Variants in PPP2R2B observed in about 807,000 individuals in gnomAD.
PPP2R2B encodes protein phosphatase 2 regulatory subunit Bbeta.
In PPP2R2B, 5 loss-of-function variants were observed where a neutral mutation model predicts 46.0. That is an observed-to-expected ratio of 0.11 (90% CI 0.06 to 0.23). The LOEUF is 0.23. Ranked by LOEUF, PPP2R2B falls within the 10% of genes least tolerant of loss-of-function variation. The pLI, the probability that PPP2R2B is intolerant of heterozygous loss-of-function variation, is 1.00. For synonymous variants in PPP2R2B, 215 were observed against 206.7 expected (o/e 1.04, Z -0.34); for missense variants, 367 against 575.0 (o/e 0.64, Z 3.70).
intron 2 of PPP2R2B, among the ~76,000 whole-genome samples, chr5:146,841,711 C>T (rs1759656842): frequency 6.6e-6 from 1 of 152,112 alleles, no homozygotes; most frequent in South Asian, 2.1e-4. Context: ...CATGTTCTCA[C>T]TTATAAGTGG....
chr5:146,638,360 T>C lies in PPP2R2B; in HGVS notation c.681A>G (p.Ala227=), dbSNP rs1774962614. 1 of 1,613,292 alleles carries C rather than the reference T, an allele frequency of 6.2e-7. No individual in the cohort carries two copies. Among genetic ancestry groups the C allele is most frequent in the South Asian group, 1.1e-5 (1 of 90,982 alleles). The change falls in exon 7 of 10, where the codon GCA becomes GCG. Residue 227 remains alanine (A), a synonymous_variant. Coordinates refer to ENST00000394411, the MANE Select transcript of PPP2R2B (RefSeq NM_181675.4). ...NMEELTEVIT[A]AEFHPHHCNT... ...TGCAATGATGGGGGTGGAACTCGGC[T>C]GCTGTGATCACCTCCGTGAGCTCCT...
At chr5:146,976,320 T>A in intron 1 of PPP2R2B, among the ~76,000 whole-genome samples, 1 of 151,778 alleles carries the variant, frequency 6.6e-6, no homozygotes. Flanking sequence ...GTATTTTTAG[T>A]AGAGATGGGT....
chr5:147,012,785 G>A (rs1754805851), intron 1 of PPP2R2B, among the ~76,000 whole-genome samples: 1 of 151,688 alleles, frequency 6.6e-6, no homozygotes, highest in South Asian at 2.1e-4. Flanking sequence ...TTGTGTCTTT[G>A]TTCTCATTGG....
At position 146,722,255 on chromosome 5, in the gene PPP2R2B, C is replaced by T. The variant is rs555195035; in HGVS notation, c.71-21113G>A. On this transcript the variant is annotated intron_variant, in intron 2 of 9. Coordinates refer to ENST00000394411, the MANE Select transcript of PPP2R2B (RefSeq NM_181675.4). Reference sequence around the variant, plus strand: ...CAACATTAGATTTTAATGACATTTACGCCATATGCAGTGGATGCTATTATT... The same window carrying T: ...CAACATTAGATTTTAATGACATTTATGCCATATGCAGTGGATGCTATTATT... Among the ~76,000 whole-genome samples the T allele has an allele frequency of 6.6e-5, 10 of 152,254 alleles. No individual in the cohort carries two copies. The South Asian group carries it at 1.7e-3, about 25-fold the overall frequency.
At chr5:146,962,763 C>T (rs1392826469) in intron 1 of PPP2R2B, among the ~76,000 whole-genome samples, 2 of 152,160 alleles carry the variant, frequency 1.3e-5, no homozygotes, top group East Asian at 3.9e-4. Flanking sequence ...TCTCATCACC[C>T]TCAAGTTCGC....
chr5:146,626,471 G>T (rs181788134), intron 7 of PPP2R2B, among the ~76,000 whole-genome samples: 15 of 152,274 alleles, frequency 9.9e-5, no homozygotes, highest in African/African-American at 2.6e-4. Flanking sequence ...ATAATTTTTG[G>T]TTTTTGCAGG....
At chr5:146,661,933 A>C (rs974586504) in intron 5 of PPP2R2B, among the ~76,000 whole-genome samples, 16 of 152,324 alleles carry the variant, frequency 1.1e-4, no homozygotes, top group African/African-American at 3.6e-4. Context: ...ATTTCAATTA[A>C]CATTTATAGC....
At chr5:146,892,194 A>T (rs1001950598) in intron 1 of PPP2R2B, among the ~76,000 whole-genome samples, 4 of 152,254 alleles carry the variant, frequency 2.6e-5, no homozygotes, top group African/African-American at 9.6e-5. Context: ...GAATAAAAAG[A>T]GTCCCAGACT....
At chr5:146,724,801 A>G (rs1751748416) in intron 2 of PPP2R2B, among the ~76,000 whole-genome samples, 1 of 152,166 alleles carries the variant, frequency 6.6e-6, no homozygotes, top group Non-Finnish European at 1.5e-5. Context: ...TGGGAGTTAC[A>G]TGCAAACACA....
chr5:146,781,131 GAT>G (rs56697862), intron 2 of PPP2R2B, among the ~76,000 whole-genome samples: 1,381 of 49,092 alleles, frequency 0.028, 18 homozygotes, highest in Non-Finnish European at 0.039. Flanking sequence ...ATGCCACCAT[GAT>G]ATATATATAT....
intron 6 of PPP2R2B, among the ~76,000 whole-genome samples, chr5:146,644,234 CAAAAAAAAAAAAAAAAAAA>C (rs58634387): frequency 4.9e-5 from 3 of 60,662 alleles, no homozygotes; most frequent in African/African-American, 1.9e-4. Flanking sequence ...AGGAAAGTTT[CAAAAAAAAAAAAAAAAAAA>C]AAAAAAAAAA....
intron 2 of PPP2R2B, among the ~76,000 whole-genome samples, chr5:146,760,190 A>T (rs1040070184): frequency 6.6e-6 from 1 of 152,220 alleles, no homozygotes; most frequent in Non-Finnish European, 1.5e-5. Context: ...AGTGCATATT[A>T]TGTGTTAGGA....
At chr5:146,599,634 G>A (rs1209894863) in intron 8 of PPP2R2B, among the ~76,000 whole-genome samples, 1 of 152,098 alleles carries the variant, frequency 6.6e-6, no homozygotes, top group East Asian at 1.9e-4. Flanking sequence ...CTTGACACCA[G>A]GCCTTTGAAC....
chr5:146,675,939 G>A (rs544457379), intron 5 of PPP2R2B, among the ~76,000 whole-genome samples: 10 of 151,932 alleles, frequency 6.6e-5, no homozygotes, highest in South Asian at 2.1e-4. Flanking sequence ...AGGACTAATC[G>A]GAAGCTTATC....
intron 2 of PPP2R2B, among the ~76,000 whole-genome samples, chr5:147,079,469 T>TATATATATATATATATATAC (rs1491141938): frequency 1.4e-4 from 20 of 139,048 alleles, no homozygotes; most frequent in African/African-American, 5.3e-4. Flanking sequence ...TATATATATA[T>TATATATATATATATATATAC]ACATGTGCAA....
intron 2 of PPP2R2B, among the ~76,000 whole-genome samples, chr5:146,788,674 T>C (rs1756001096): frequency 6.6e-6 from 1 of 152,190 alleles, no homozygotes; most frequent in South Asian, 2.1e-4. Context: ...GATGTTGCAG[T>C]GGTCCGAGAT....
chr5:146,954,639 TC>T (rs1751791476), intron 1 of PPP2R2B, among the ~76,000 whole-genome samples: 1 of 151,470 alleles, frequency 6.6e-6, no homozygotes, highest in Admixed American at 6.6e-5. Context: ...ACACCACCAT[TC>T]CCCAATAACC....
intron 1 of PPP2R2B, among the ~76,000 whole-genome samples, chr5:146,975,027 T>A (rs1752836720): frequency 6.6e-6 from 1 of 152,164 alleles, no homozygotes; most frequent in Admixed American, 6.5e-5. Flanking sequence ...CTTTTGCAAT[T>A]GTGATACAAC....
At chr5:146,860,380 A>G (rs1159304911) in intron 2 of PPP2R2B, among the ~76,000 whole-genome samples, 1 of 152,218 alleles carries the variant, frequency 6.6e-6, no homozygotes, top group Non-Finnish European at 1.5e-5. Flanking sequence ...TCAAAAACAG[A>G]GGTCATGAGA....
Sources: allele counts gnomAD v4.1 joint callset (sites outside exome capture counted in the v4.1 genomes callset), GRCh38; gene constraint gnomAD v4.1.1; transcripts MANE v1.5; gene names NCBI Gene and HGNC (gene_info 2026-07-23, HGNC 2026-07-21).